The following WASF2 variants were observed in gnomAD, a reference collection of about 807,000 sequenced individuals.
WASF2 encodes the protein WASP family member 2.
Under a neutral mutation model 45.0 loss-of-function variants are expected in WASF2, and 14 were observed. That is an observed-to-expected ratio of 0.31 (90% CI 0.21 to 0.49). The LOEUF (loss-of-function observed/expected upper bound fraction) is 0.49. Ranked by LOEUF, WASF2 falls within the 20% of genes least tolerant of loss-of-function variation. The pLI is 0.99. For synonymous variants in WASF2, 200 were observed against 236.3 expected, an observed-to-expected ratio of 0.85 and a Z score of 1.41; for missense variants, 439 against 636.1, an observed-to-expected ratio of 0.69 and a Z score of 3.33.
intron 1 of WASF2, among the ~76,000 whole-genome samples, chr1:27,454,477 C>T (rs1177232338): frequency 6.6e-6 from 1 of 151,782 alleles, no homozygotes; most frequent in Non-Finnish European, 1.5e-5. Flanking sequence ...GCTGGGACCA[C>T]AGGCAGGCAC....
At chr1:27,416,423 G>T (rs1254390560) in intron 4 of WASF2, among the ~76,000 whole-genome samples, 1 of 152,168 alleles carries the variant, frequency 6.6e-6, no homozygotes, top group Non-Finnish European at 1.5e-5. Context: ...TCTCCCTGAG[G>T]ATATTCGGAT....
At chr1:27,442,829 C>A (rs1004716635) in intron 1 of WASF2, among the ~76,000 whole-genome samples, 5 of 151,608 alleles carry the variant, frequency 3.3e-5, no homozygotes, top group African/African-American at 1.2e-4. Context: ...GGTGAAACCC[C>A]GTCTCTACTA....
intron 1 of WASF2, among the ~76,000 whole-genome samples, chr1:27,463,121 T>C (rs1431475124): frequency 6.6e-6 from 1 of 152,184 alleles, no homozygotes; most frequent in Admixed American, 6.5e-5. Context: ...TGCCTGGCCG[T>C]TAGCTGCTTT....
At chr1:27,453,469 G>A (rs1156367689) in intron 1 of WASF2, among the ~76,000 whole-genome samples, 2 of 151,460 alleles carry the variant, frequency 1.3e-5, no homozygotes, top group African/African-American at 2.4e-5. Flanking sequence ...GTGGACGCCT[G>A]TAATCCCAGC....
intron 1 of WASF2, among the ~76,000 whole-genome samples, chr1:27,458,686 G>A (rs1408834294): frequency 1.3e-5 from 2 of 151,594 alleles, no homozygotes; most frequent in Non-Finnish European, 2.9e-5. Context: ...CCAGCTGCAC[G>A]GGGTGCTGAG....
intron 1 of WASF2, among the ~76,000 whole-genome samples, chr1:27,440,053 T>C (rs1571138774): frequency 6.6e-6 from 1 of 152,100 alleles, no homozygotes; most frequent in African/African-American, 2.4e-5. Flanking sequence ...CTGAACTGGA[T>C]AGAATTTGGA....
intron 1 of WASF2, among the ~76,000 whole-genome samples, chr1:27,448,057 C>T (rs988080611): frequency 2.0e-5 from 3 of 152,232 alleles, no homozygotes; most frequent in Admixed American, 1.3e-4. Flanking sequence ...CTGGCTCACA[C>T]ACCCCGCGGG....
At chr1:27,448,062 C>T (rs1348210990) in intron 1 of WASF2, among the ~76,000 whole-genome samples, 1 of 152,168 alleles carries the variant, frequency 6.6e-6, no homozygotes, top group African/African-American at 2.4e-5. Context: ...TCACACACCC[C>T]GCGGGAGGAT....
At chr1:27,420,514 CT>C (rs782294669) in intron 2 of WASF2, among the ~76,000 whole-genome samples, 1,327 of 82,412 alleles carry the variant, frequency 0.016, 5 homozygotes, top group African/African-American at 0.067. Context: ...ACCATCTGAG[CT>C]TTTTTTTTTT....
At chr1:27,445,152 C>A (rs1249948569) in intron 1 of WASF2, among the ~76,000 whole-genome samples, 2 of 152,208 alleles carry the variant, frequency 1.3e-5, no homozygotes, top group African/African-American at 4.8e-5. Flanking sequence ...TCTTTTCATC[C>A]TACAGTGTCT....
chr1:27,412,479 G>A (rs2016773545), intron 7 of WASF2, 93 bp downstream of exon 7: 2 of 1,539,298 alleles, frequency 1.3e-6, no homozygotes, highest in Non-Finnish European at 8.9e-7. Flanking sequence ...CCAAAGAGCT[G>A]GGATTACAGG....
Position 27,473,141 on chromosome 1 carries a change from A to T in WASF2, c.-44+16845T>A, listed in dbSNP as rs186075322. 2.0e-5 allele frequency among the ~76,000 whole-genome samples: 3 copies of T among 152,188 alleles called. No homozygotes were observed. The East Asian group carries it at 5.8e-4, about 29-fold the overall frequency. ...CTATTAAAATACAATAAAAGGACAA[A>T]TAACCCAATTTTAAAAGAAGCAACA... On this transcript the variant is annotated intron_variant, in intron 1 of 8. Coordinates refer to ENST00000618852, the MANE Select transcript of WASF2 (RefSeq NM_006990.5).
intron 4 of WASF2, 138 bp from the exon 5 acceptor site, chr1:27,416,240 C>T: frequency 2.8e-6 from 2 of 704,504 alleles, no homozygotes; most frequent in South Asian, 3.4e-5. Context: ...CATACCTCCT[C>T]TCCCATACCA....
At chr1:27,472,060 C>T (rs774784768) in intron 1 of WASF2, among the ~76,000 whole-genome samples, 10 of 152,110 alleles carry the variant, frequency 6.6e-5, no homozygotes, top group Non-Finnish European at 1.0e-4. Flanking sequence ...GGGCCAGGCG[C>T]GGTGGCTTAT....
intron 1 of WASF2, among the ~76,000 whole-genome samples, chr1:27,480,651 C>T (rs940883165): frequency 7.2e-5 from 11 of 152,248 alleles, no homozygotes; most frequent in African/African-American, 2.6e-4. Flanking sequence ...AGTAAATGAA[C>T]TGCTCTTGTT....
At chr1:27,446,443 C>T (rs1382767875) in intron 1 of WASF2, among the ~76,000 whole-genome samples, 1 of 152,104 alleles carries the variant, frequency 6.6e-6, no homozygotes, top group Non-Finnish European at 1.5e-5. Flanking sequence ...GAGATGAATT[C>T]TATAGCATTC....
At chr1:27,455,902 G>A (rs1463554205) in intron 1 of WASF2, among the ~76,000 whole-genome samples, 1 of 152,126 alleles carries the variant, frequency 6.6e-6, no homozygotes, top group Non-Finnish European at 1.5e-5. Context: ...CTCTTTGAGG[G>A]AAGGTACTAT....
intron 1 of WASF2, among the ~76,000 whole-genome samples, chr1:27,485,006 C>T (rs892815682): frequency 1.3e-5 from 2 of 151,670 alleles, no homozygotes; most frequent in Admixed American, 6.6e-5. Flanking sequence ...AAAACTTAGC[C>T]GGGCGTGGTG....
At chr1:27,477,898 C>G (rs931481806) in intron 1 of WASF2, among the ~76,000 whole-genome samples, 1 of 49,966 alleles carries the variant, frequency 2.0e-5, no homozygotes, top group Non-Finnish European at 3.4e-5. Context: ...GACTCCGTCT[C>G]AAAAAAAAAA....
Sources: allele counts gnomAD v4.1 joint callset (sites outside exome capture counted in the v4.1 genomes callset), GRCh38; gene constraint gnomAD v4.1.1; transcripts MANE v1.5; gene names NCBI Gene and HGNC (gene_info 2026-07-23, HGNC 2026-07-21).